Variants in WDR25 observed in about 807,000 individuals in gnomAD.
WDR25 encodes WD repeat domain 25.
Under a neutral mutation model 47.7 loss-of-function variants are expected in WDR25, and 35 were observed. That is an observed-to-expected ratio of 0.73 (90% CI 0.56 to 0.97). The LOEUF (loss-of-function observed/expected upper bound fraction) is 0.97. WDR25 is among the 50% of genes least tolerant of loss of function. WDR25 has a pLI of 0.00. For missense variants in WDR25, 634 were observed against 704.7 expected, an observed-to-expected ratio of 0.90 and a Z score of 1.14; for synonymous variants, 248 against 278.9, an observed-to-expected ratio of 0.89 and a Z score of 1.10.
At chr14:100,509,412 G>C (rs373994824) in intron 4 of WDR25, among the ~76,000 whole-genome samples, 2 of 151,846 alleles carry the variant, frequency 1.3e-5, no homozygotes, top group South Asian at 2.1e-4. Context: ...ATTTCTTCTT[G>C]TTGATCTGAG....
At chr14:100,460,536 C>T (rs1899375911) in intron 2 of WDR25, among the ~76,000 whole-genome samples, 1 of 152,116 alleles carries the variant, frequency 6.6e-6, no homozygotes, top group Admixed American at 6.5e-5. Context: ...CAATGTAACT[C>T]AGCATTAATG....
chr14:100,416,630 C>G (rs1897877419), intron 2 of WDR25, among the ~76,000 whole-genome samples: 1 of 152,168 alleles, frequency 6.6e-6, no homozygotes, highest in Non-Finnish European at 1.5e-5. Context: ...TCTCTGTACC[C>G]ATTCCTTGAG....
intron 2 of WDR25, among the ~76,000 whole-genome samples, chr14:100,396,774 G>C (rs1168826991): frequency 6.6e-6 from 1 of 152,244 alleles, no homozygotes; most frequent in Non-Finnish European, 1.5e-5. Flanking sequence ...GGCTGTGGCA[G>C]GGCCACAGGT....
intron 4 of WDR25, among the ~76,000 whole-genome samples, chr14:100,514,818 G>C (rs1901438508): frequency 6.6e-6 from 1 of 151,740 alleles, no homozygotes; most frequent in African/African-American, 2.4e-5. Context: ...TTCATTTTTG[G>C]GTGTAAATTT....
intron 4 of WDR25, among the ~76,000 whole-genome samples, chr14:100,486,128 G>A (rs1900374589): frequency 6.6e-6 from 1 of 151,714 alleles, no homozygotes; most frequent in South Asian, 2.1e-4. Flanking sequence ...AACGTGCCTT[G>A]TGAACTGGAA....
At chr14:100,503,054 T>C (rs1033404519) in intron 4 of WDR25, among the ~76,000 whole-genome samples, 4 of 151,740 alleles carry the variant, frequency 2.6e-5, no homozygotes, top group African/African-American at 9.7e-5. Context: ...CGTGTGTGTG[T>C]GTGCGTGTGT....
chr14:100,420,993 T>A (rs1005579990), intron 2 of WDR25, among the ~76,000 whole-genome samples: 1 of 152,246 alleles, frequency 6.6e-6, no homozygotes, highest in Non-Finnish European at 1.5e-5. Flanking sequence ...AGTCTTTTTA[T>A]TTCTGTCTGC....
intron 2 of WDR25, among the ~76,000 whole-genome samples, chr14:100,435,442 A>G (rs184914368): frequency 1.1e-4 from 16 of 152,330 alleles, no homozygotes; most frequent in African/African-American, 2.9e-4. Flanking sequence ...TAACACATCA[A>G]TAGAATAGGG....
chr14:100,485,513 G>A (rs926461338), intron 4 of WDR25, among the ~76,000 whole-genome samples: 3 of 152,184 alleles, frequency 2.0e-5, no homozygotes, highest in African/African-American at 4.8e-5. Flanking sequence ...TACAGGAGGT[G>A]GGAACACAGG....
In WDR25 at chr14:100,530,225, C is replaced by T; in HGVS notation, c.*184C>T. 1.6e-6 allele frequency: 1 copy of T among 631,250 alleles called. No homozygotes were observed. Among genetic ancestry groups the T allele is most frequent in the East Asian group, 2.9e-5 (1 of 33,964 alleles). 39.1% of individuals were successfully genotyped at this position (631,250 alleles called of 1,614,324 possible). A position where few individuals can be genotyped will look rare whatever the true frequency, so the allele number is the denominator to read the frequency against. ...GTTTGCCTCAGGAGTGTGAGGACTA[C>T]ACTAGTGAAAGCGCCTGGCGGGCAG... On this transcript the variant is annotated 3_prime_UTR_variant, in exon 7 of 7. Coordinates refer to ENST00000402312, the MANE Select transcript of WDR25 (RefSeq NM_001161476.3).
chr14:100,413,991 G>T (rs1220068837), intron 2 of WDR25, among the ~76,000 whole-genome samples: 2 of 145,384 alleles, frequency 1.4e-5, no homozygotes, highest in Non-Finnish European at 3.0e-5. Context: ...GCCGTTAGAG[G>T]TAGTTCATTT....
chr14:100,481,181 A>G (rs1900190365), intron 3 of WDR25: 1 of 478,166 alleles, frequency 2.1e-6, no homozygotes. Flanking sequence ...TAACCAAGAA[A>G]CTAAAGTAGA....
At position 100,425,542 on chromosome 14, in the gene WDR25, C is replaced by T. The variant is rs946559451; in HGVS notation, c.823-42479C>T. On this transcript the variant is annotated intron_variant, in intron 2 of 6. Coordinates refer to ENST00000402312, the MANE Select transcript of WDR25 (RefSeq NM_001161476.3). The surrounding 1 kb of genome is among the most constrained non-coding windows in gnomAD (Gnocchi z 4.8). ...CCCGGGACAGAACCCGACTTTTGCA[C>T]GTTACAGTAGAGGTCCCTGGCAGCC... Among the ~76,000 whole-genome samples, 15 of 152,212 alleles carry T rather than the reference C, an allele frequency of 9.9e-5. No homozygotes were observed. The highest frequency in any genetic ancestry group is 8.5e-4 in the Admixed American group (13 of 15,290).
chr14:100,507,701 T>C (rs1328015010), intron 4 of WDR25, among the ~76,000 whole-genome samples: 1 of 151,864 alleles, frequency 6.6e-6, no homozygotes, highest in African/African-American at 2.4e-5. Context: ...AATGGGATTG[T>C]ATTCTTGATT....
chr14:100,490,593 C>T (rs909178375), intron 4 of WDR25, among the ~76,000 whole-genome samples: 36 of 152,140 alleles, frequency 2.4e-4, no homozygotes, highest in African/African-American at 8.2e-4. Context: ...CCCAGGGTGG[C>T]CTAGGCCTCC....
intron 2 of WDR25, among the ~76,000 whole-genome samples, chr14:100,396,761 G>A (rs1897269067): frequency 6.6e-6 from 1 of 152,226 alleles, no homozygotes; most frequent in Admixed American, 6.5e-5. Flanking sequence ...TCTTTCTAGG[G>A]TGGGCTGTGG....
Position 100,407,595 on chromosome 14 carries a change from G to A in WDR25, c.822+25849G>A, listed in dbSNP as rs559711128. 9.8e-5 allele frequency: 15 copies of A among 152,316 alleles called. No individual in the cohort carries two copies. In the East Asian group the frequency reaches 2.9e-3, roughly 29 times the overall value. The allele number at this position is 152,316 out of a possible 1,614,324, so 9.4% of individuals were successfully genotyped here. On this transcript the variant is annotated intron_variant, in intron 2 of 6. Transcript: ENST00000402312. The surrounding 1 kb of genome is among the most constrained non-coding windows in gnomAD (Gnocchi z 4.1). ...AGGGGAGCTGCTGGAGGCTTCTTATGGCATGCAGATCAAGGAAGACCTGTA... is the reference window on the plus strand; with the variant it reads ...AGGGGAGCTGCTGGAGGCTTCTTATAGCATGCAGATCAAGGAAGACCTGTA...
chr14:100,472,606 G>A (rs113115493), intron 3 of WDR25, among the ~76,000 whole-genome samples: 2,229 of 152,332 alleles, frequency 0.015, 57 homozygotes, highest in African/African-American at 0.05. Flanking sequence ...TCCCCACATG[G>A]GGCCACTTTT....
chr14:100,420,583 G>A (rs1897998542), intron 2 of WDR25, among the ~76,000 whole-genome samples: 1 of 152,080 alleles, frequency 6.6e-6, no homozygotes, highest in African/African-American at 2.4e-5. Flanking sequence ...TCTATTGCTA[G>A]GGTTGGAATT....
Sources: allele counts gnomAD v4.1 joint callset (sites outside exome capture counted in the v4.1 genomes callset), GRCh38; gene constraint gnomAD v4.1.1; non-coding constraint Gnocchi (gnomAD v3.1); transcripts MANE v1.5; gene names NCBI Gene and HGNC (gene_info 2026-07-23, HGNC 2026-07-21).